Variants in SLCO1A2 observed in about 807,000 individuals in gnomAD.
SLCO1A2 encodes OATP-1.
Under a neutral mutation model 69.0 loss-of-function variants are expected in SLCO1A2, and 67 were observed. The ratio of observed to expected loss-of-function variants is 0.97; its 90% CI spans 0.80 to 1.19. The LOEUF (loss-of-function observed/expected upper bound fraction) is 1.19. Ranked by LOEUF, SLCO1A2 falls within the 50% of genes most tolerant of loss-of-function variation. SLCO1A2 has a pLI of 0.00. For missense variants in SLCO1A2, 787 were observed against 793.7 expected, an observed-to-expected ratio of 0.99 and a Z score of 0.10; for synonymous variants, 260 against 265.9, an observed-to-expected ratio of 0.98 and a Z score of 0.22.
At chr12:21,412,179 G>A (rs1356883250) in intron 1 of SLCO1A2, among the ~76,000 whole-genome samples, 1 of 152,148 alleles carries the variant, frequency 6.6e-6, no homozygotes, top group Admixed American at 6.5e-5. Flanking sequence ...TCAGGAGTTT[G>A]AGACCAGCCT....
chr12:21,269,764 G>A lies in SLCO1A2; in HGVS notation c.1797C>T (p.Tyr599=), dbSNP rs1942452136. 1 of 1,604,124 alleles carries A rather than the reference G, an allele frequency of 6.2e-7. No homozygotes were observed. Among genetic ancestry groups the A allele is most frequent in the Non-Finnish European group, 8.5e-7 (1 of 1,175,230 alleles). ...CRIYDSTTFR[Y]IYLGLPAALR... ...GTGCTGCCGGCAATCCGAGGTAGATGTATCTATTTTTTTAAAAGTTAAAAC... is the reference window on the plus strand; with the variant it reads ...GTGCTGCCGGCAATCCGAGGTAGATATATCTATTTTTTTAAAAGTTAAAAC... Residue 599 remains tyrosine (Y), a synonymous_variant, in exon 15 of 15, where the codon TAC becomes TAT. Transcript: ENST00000683939.
rs1938452706 is a variant in SLCO1A2, at chr12:21,357,364, A to G, written c.-63+17035T>C. Among the ~76,000 whole-genome samples, 3 of 152,168 alleles carry G rather than the reference A, an allele frequency of 2.0e-5. No homozygotes were observed. The South Asian group carries it at 6.2e-4, about 32-fold the overall frequency. ...CAGGTGATGCTGCTTCTCCAAACCA[A>G]CAAGATTGCCAGCAAACTACCAGAA... On this transcript the variant is annotated intron_variant, in intron 2 of 15. Transcript: ENST00000307378.
At chr12:21,281,920 A>C (rs1166418724) in intron 12 of SLCO1A2, among the ~76,000 whole-genome samples, 1 of 152,168 alleles carries the variant, frequency 6.6e-6, no homozygotes, top group East Asian at 1.9e-4. Flanking sequence ...ATAAAAAGTA[A>C]TGAGATTGAA....
chr12:21,379,770 A>G (rs1940471039), intron 1 of SLCO1A2: 3 of 152,176 alleles, frequency 2.0e-5, no homozygotes, highest in Admixed American at 2.0e-4. Context: ...AAGCATTTCA[A>G]TCTAAGTGGA....
chr12:21,295,812 A>T lies in SLCO1A2; in HGVS notation c.1076-20T>A. The T allele has an allele frequency of 7.7e-7, 1 of 1,305,352 alleles. No individual in the cohort carries two copies. Among genetic ancestry groups the T allele is most frequent in the Non-Finnish European group, 1.1e-6 (1 of 917,628 alleles). 80.9% of individuals were successfully genotyped at this position (1,305,352 alleles called of 1,614,324 possible). On this transcript the variant is annotated intron_variant, in intron 9 of 14. Coordinates refer to ENST00000683939, the MANE Select transcript of SLCO1A2 (RefSeq NM_001386879.1). ...AAATACCTATAAATGCAAATAAAAT[A>T]TTATTTACAAAATGACTTACCAAAG...
At chr12:21,346,067 C>G (rs915039687) in intron 2 of SLCO1A2, among the ~76,000 whole-genome samples, 1 of 151,694 alleles carries the variant, frequency 6.6e-6, no homozygotes, top group African/African-American at 2.4e-5. Context: ...AAAATATACT[C>G]TAAACACTAC....
intron 2 of SLCO1A2, among the ~76,000 whole-genome samples, chr12:21,349,390 T>G (rs1029438956): frequency 6.6e-6 from 1 of 152,104 alleles, no homozygotes; most frequent in Admixed American, 6.5e-5. Flanking sequence ...AATCAACAAA[T>G]TCTCCATTTT....
At chr12:21,350,464 C>A (rs1395896071) in intron 2 of SLCO1A2, among the ~76,000 whole-genome samples, 1 of 152,008 alleles carries the variant, frequency 6.6e-6, no homozygotes, top group Non-Finnish European at 1.5e-5. Context: ...ATAGCATGTT[C>A]TTTAAAAAAA....
chr12:21,418,158 T>G (rs1400600919), upstream of SLCO1A2: 1 of 152,186 alleles, frequency 6.6e-6, no homozygotes, highest in Non-Finnish European at 1.5e-5. Flanking sequence ...ACTTGCGCAC[T>G]GAGCCAAAAT....
chr12:21,408,581 G>C (rs1830217816), intron 1 of SLCO1A2, among the ~76,000 whole-genome samples: 1 of 152,112 alleles, frequency 6.6e-6, no homozygotes, highest in Non-Finnish European at 1.5e-5. Flanking sequence ...AAGTGTCCCA[G>C]TCCCCTTCTC....
At chr12:21,350,835 C>CAAAAAAAAAAAAAAAAAAA (rs11454466) in intron 2 of SLCO1A2, among the ~76,000 whole-genome samples, 1 of 40,732 alleles carries the variant, frequency 2.5e-5, no homozygotes, top group Non-Finnish European at 4.1e-5. Flanking sequence ...GACTCTGTCT[C>CAAAAAAAAAAAAAAAAAAA]AAAAAAAAAA....
chr12:21,295,932 C>T (rs1947647192), intron 9 of SLCO1A2, 140 bp from the exon 10 acceptor site: 2 of 578,374 alleles, frequency 3.5e-6, no homozygotes, highest in Non-Finnish European at 6.1e-6. Flanking sequence ...ATTTTATCCC[C>T]ACTTAGTTAC....
chr12:21,334,224 T>G (rs918341035), intron 2 of SLCO1A2, among the ~76,000 whole-genome samples: 1 of 152,106 alleles, frequency 6.6e-6, no homozygotes, highest in Non-Finnish European at 1.5e-5. Context: ...TTCTGTGCAA[T>G]GAGCCATTTT....
chr12:21,271,953 A>G (rs1174673763), intron 14 of SLCO1A2, among the ~76,000 whole-genome samples: 3 of 150,986 alleles, frequency 2.0e-5, no homozygotes, highest in Non-Finnish European at 4.4e-5. Context: ...TTCATCCCAC[A>G]AGTTTTCTTA....
rs903355217 is a variant in SLCO1A2 at position 21,266,232 on chromosome 12, T to C, written c.*3316A>G. 6.6e-6 allele frequency: 1 copy of C among 152,180 alleles called. No individual in the cohort carries two copies. The highest frequency in any genetic ancestry group is 1.5e-5 in the Non-Finnish European group (1 of 68,024). The allele number at this position is 152,180 out of a possible 1,614,324, so 9.4% of individuals were successfully genotyped here. A position where few individuals can be genotyped will look rare whatever the true frequency, so the allele number is the denominator to read the frequency against. On this transcript the variant is annotated 3_prime_UTR_variant, in exon 15 of 15. Coordinates refer to ENST00000683939, the MANE Select transcript of SLCO1A2 (RefSeq NM_001386879.1). Reference sequence around the variant, plus strand: ...CATTTCGAGCTTTTCTTTAATTACTTAGTCTTTGTCTTGTCTTTCTTATTG... The same window carrying C: ...CATTTCGAGCTTTTCTTTAATTACTCAGTCTTTGTCTTGTCTTTCTTATTG...
rs3060629 is a variant in SLCO1A2, at chr12:21,276,387, G to GACACACAC, written c.1611-971_1611-964dup. ...CGTAGAGATGATAGAGATAAATATG[G>GACACACAC]ACACACACACACACACACACACACA... On this transcript the variant is annotated intron_variant, in intron 12 of 14. Transcript: ENST00000683939. 6.8e-3 allele frequency among the ~76,000 whole-genome samples: 964 copies of GACACACAC among 141,976 alleles called. 12 individuals carry two copies. The highest frequency in any genetic ancestry group is 0.024 in the East Asian group (110 of 4,662). 93.1% of individuals were successfully genotyped at this position (141,976 alleles called of 152,430 possible). A position where few individuals can be genotyped will look rare whatever the true frequency, so the allele number is the denominator to read the frequency against.
At chr12:21,361,138 T>G (rs188814086) in intron 2 of SLCO1A2, among the ~76,000 whole-genome samples, 172 of 149,270 alleles carry the variant, frequency 1.2e-3, no homozygotes, top group African/African-American at 4.2e-3. Flanking sequence ...CACCTCCCAG[T>G]AGGGGCCGAC....
intron 7 of SLCO1A2, among the ~76,000 whole-genome samples, 157 bp from the exon 8 acceptor site, chr12:21,300,726 G>A (rs570389868): frequency 1.2e-4 from 19 of 152,290 alleles, no homozygotes; most frequent in African/African-American, 4.1e-4. Context: ...ATGTGGTGTT[G>A]TAATATTGTC....
intron 12 of SLCO1A2, among the ~76,000 whole-genome samples, chr12:21,283,611 AAAC>A (rs1441898864): frequency 3.9e-5 from 6 of 152,294 alleles, no homozygotes; most frequent in African/African-American, 7.2e-5. Flanking sequence ...ACAGCAAAGG[AAAC>A]AACAAGATGA....
Sources: allele counts gnomAD v4.1 joint callset (sites outside exome capture counted in the v4.1 genomes callset), GRCh38; gene constraint gnomAD v4.1.1; transcripts MANE v1.5; gene names NCBI Gene and HGNC (gene_info 2026-07-23, HGNC 2026-07-21).